The following ROBO2 variants were observed in gnomAD, a reference collection of about 807,000 sequenced individuals.
ROBO2 encodes the protein roundabout homolog 2.
In ROBO2, 53 loss-of-function variants were observed where a neutral mutation model predicts 160.8. The ratio of observed to expected loss-of-function variants is 0.33; its 90% CI spans 0.26 to 0.41. The LOEUF (loss-of-function observed/expected upper bound fraction) is 0.41, where lower values mean the gene tolerates loss of function less well. Ranked by LOEUF, ROBO2 falls within the 10% of genes least tolerant of loss-of-function variation. The pLI, the probability that ROBO2 is intolerant of heterozygous loss-of-function variation, is 1.00. For synonymous variants in ROBO2, 664 were observed against 611.7 expected, an observed-to-expected ratio of 1.09 and a Z score of -1.26; for missense variants, 1,577 against 1,722.4, an observed-to-expected ratio of 0.92 and a Z score of 1.49.
intron 2 of ROBO2, among the ~76,000 whole-genome samples, chr3:76,949,853 G>A (rs1398589678): frequency 6.6e-6 from 1 of 152,120 alleles, no homozygotes; most frequent in African/African-American, 2.4e-5. Flanking sequence ...GTCCAGTCTG[G>A]GCAACAAATC....
chr3:77,109,993 G>T (rs1034166496), intron 2 of ROBO2, among the ~76,000 whole-genome samples: 4 of 152,122 alleles, frequency 2.6e-5, no homozygotes, highest in African/African-American at 9.7e-5. Flanking sequence ...GTGATTCCTG[G>T]GATATGACGG....
intron 2 of ROBO2, among the ~76,000 whole-genome samples, chr3:76,884,774 G>A (rs2073715101): frequency 6.6e-6 from 1 of 151,904 alleles, no homozygotes; most frequent in African/African-American, 2.4e-5. Flanking sequence ...TGAATGCATT[G>A]GAATTGTTAA....
At chr3:77,617,799 A>G (rs777764144) in intron 22 of ROBO2, 26 bp downstream of exon 23, 1 of 1,609,912 alleles carries the variant, frequency 6.2e-7, no homozygotes, top group South Asian at 1.1e-5. Flanking sequence ...AAGTCAAGAG[A>G]CCCATGCTTT....
intron 2 of ROBO2, among the ~76,000 whole-genome samples, chr3:76,641,315 T>G (rs974643580): frequency 6.6e-6 from 1 of 152,172 alleles, no homozygotes; most frequent in African/African-American, 2.4e-5. Flanking sequence ...AATAGCAATA[T>G]CAGGTACTCT....
intron 2 of ROBO2, among the ~76,000 whole-genome samples, chr3:76,628,449 T>TTTA (rs2089814689): frequency 6.6e-6 from 1 of 150,952 alleles, no homozygotes; most frequent in Admixed American, 6.6e-5. Flanking sequence ...TTTTTTTTTT[T>TTTA]TAGAGATGGG....
At chr3:76,814,357 C>T (rs1221799909) in intron 2 of ROBO2, among the ~76,000 whole-genome samples, 1 of 152,104 alleles carries the variant, frequency 6.6e-6, no homozygotes. Context: ...ACAACTATCC[C>T]TTTTCTCTTT....
upstream of ROBO2, among the ~76,000 whole-genome samples, chr3:77,038,888 TC>T (rs1365965657): frequency 6.6e-6 from 1 of 152,236 alleles, no homozygotes; most frequent in Admixed American, 6.5e-5. Context: ...CTTTCGGCTT[TC>T]CACACCCAGA....
At chr3:77,008,184 C>T (rs750348442) in intron 2 of ROBO2, among the ~76,000 whole-genome samples, 121 of 152,014 alleles carry the variant, frequency 8.0e-4, no homozygotes, top group Non-Finnish European at 7.5e-4. Context: ...AAAAGAAGTT[C>T]GGTTTCTTGA....
intron 2 of ROBO2, among the ~76,000 whole-genome samples, chr3:77,328,365 G>GTT (rs1296447187): frequency 6.6e-6 from 1 of 152,170 alleles, no homozygotes; most frequent in African/African-American, 2.4e-5. Context: ...ACAGAACACA[G>GTT]TTTGCTATGT....
At chr3:75,988,046 C>G (rs905220533) in intron 2 of ROBO2, among the ~76,000 whole-genome samples, 5 of 151,818 alleles carry the variant, frequency 3.3e-5, no homozygotes, top group Non-Finnish European at 7.4e-5. Flanking sequence ...TAATGCTGGC[C>G]TCATATGAAG....
At chr3:76,752,092 G>T (rs891382452) in intron 2 of ROBO2, among the ~76,000 whole-genome samples, 19 of 152,044 alleles carry the variant, frequency 1.2e-4, no homozygotes, top group African/African-American at 4.1e-4. Context: ...CACATATACA[G>T]CATGGAATAC....
At chr3:76,669,738 T>G (rs1015005869) in intron 2 of ROBO2, among the ~76,000 whole-genome samples, 22 of 152,204 alleles carry the variant, frequency 1.4e-4, no homozygotes, top group Non-Finnish European at 2.8e-4. Context: ...CTGTTACATC[T>G]TTAACTACTC....
chr3:76,040,759 G>C (rs374652254), intron 2 of ROBO2, among the ~76,000 whole-genome samples: 1 of 152,058 alleles, frequency 6.6e-6, no homozygotes, highest in Non-Finnish European at 1.5e-5. Flanking sequence ...AGGCCAAGGA[G>C]GGTGGATCAC....
intron 2 of ROBO2, among the ~76,000 whole-genome samples, chr3:76,224,599 A>G (rs187563320): frequency 1.3e-5 from 2 of 152,304 alleles, no homozygotes; most frequent in East Asian, 1.9e-4. Flanking sequence ...ATGCAGATAT[A>G]ATGTTTTACC....
intron 6 of ROBO2, among the ~76,000 whole-genome samples, chr3:77,532,253 T>C (rs1233933617): frequency 6.6e-6 from 1 of 152,004 alleles, no homozygotes; most frequent in Non-Finnish European, 1.5e-5. Flanking sequence ...AATGTCCTAT[T>C]GTCTTGGTAT....
At chr3:76,613,958 T>C (rs2088357098) in intron 2 of ROBO2, among the ~76,000 whole-genome samples, 1 of 152,254 alleles carries the variant, frequency 6.6e-6, no homozygotes, top group African/African-American at 2.4e-5. Context: ...CATTTTTTTT[T>C]CATGGGTGTA....
At chr3:77,373,840 A>T (rs2072186020) in intron 2 of ROBO2, among the ~76,000 whole-genome samples, 1 of 148,684 alleles carries the variant, frequency 6.7e-6, no homozygotes, top group Non-Finnish European at 1.5e-5. Context: ...AGGGGTGATT[A>T]TAGAGCAGCC....
chr3:77,595,482 T>C lies in ROBO2; in HGVS notation c.2726+298T>C, dbSNP rs776523402. On this transcript the variant is annotated intron_variant, in intron 18 of 25. Coordinates refer to ENST00000461745, the Ensembl canonical transcript of ROBO2. ...ATTAATTAGACATTAGCAAATGAAGTTGCTGTTGTTTAAGACTCCTTATAG... is the reference window on the plus strand; with the variant it reads ...ATTAATTAGACATTAGCAAATGAAGCTGCTGTTGTTTAAGACTCCTTATAG... Among the ~76,000 whole-genome samples, 27 of 152,186 alleles carry C rather than the reference T, an allele frequency of 1.8e-4. 1 individual carries two copies. The highest frequency in any genetic ancestry group is 2.4e-4 in the Non-Finnish European group (16 of 68,018).
In ROBO2 at chr3:76,739,597, G is replaced by A. The variant is rs559757361; in HGVS notation, c.110-358417G>A. ...CATATGTAACTGACCTGCACGTTGT[G>A]CACATGTACCCTAAAACTTAAAAGT... On this transcript the variant is annotated intron_variant, in intron 2 of 26. Coordinates refer to the ROBO2 transcript ENST00000487694. Among the ~76,000 whole-genome samples the A allele has an allele frequency of 2.6e-5, 4 of 151,930 alleles. No individual in the cohort carries two copies. In the South Asian group the frequency reaches 6.3e-4, roughly 24 times the overall value.
Sources: gnomAD v4.1 joint callset for allele counts (sites outside exome capture counted in the v4.1 genomes callset) on GRCh38, gnomAD v4.1.1 for gene constraint, MANE v1.5 for transcripts, NCBI Gene and HGNC (gene_info 2026-07-23, HGNC 2026-07-21) for gene names.